Variants in GRID1 observed in about 807,000 individuals in gnomAD.
GRID1 encodes the protein glutamate ionotropic receptor delta type subunit 1.
In GRID1, 28 loss-of-function variants were observed where a neutral mutation model predicts 98.0. That is an observed-to-expected ratio of 0.29 (90% CI 0.21 to 0.39). The LOEUF (loss-of-function observed/expected upper bound fraction) is 0.39. GRID1 is among the 10% of genes least tolerant of loss of function. The pLI, the probability that GRID1 is intolerant of heterozygous loss-of-function variation, is 1.00. For missense variants in GRID1, 1,111 were observed against 1,340.5 expected (o/e 0.83, Z 2.67); for synonymous variants, 553 against 538.5 (o/e 1.03, Z -0.37).
chr10:85,604,914 G>A (rs1842639969), intron 15 of GRID1, among the ~76,000 whole-genome samples: 2 of 152,232 alleles, frequency 1.3e-5, no homozygotes, highest in Non-Finnish European at 2.9e-5. Flanking sequence ...TATCCCCACC[G>A]GATAACAGTT....
intron 2 of GRID1, among the ~76,000 whole-genome samples, chr10:86,297,399 G>A (rs538276434): frequency 5.3e-5 from 8 of 152,274 alleles, no homozygotes; most frequent in African/African-American, 7.2e-5. Context: ...AATAAATTGC[G>A]CTGATAGTTT....
At chr10:85,983,802 C>A (rs973312905) in intron 4 of GRID1, among the ~76,000 whole-genome samples, 3 of 152,180 alleles carry the variant, frequency 2.0e-5, no homozygotes, top group Non-Finnish European at 4.4e-5. Context: ...GCTCTCCCTC[C>A]CCAAGCCCTG....
intron 4 of GRID1, among the ~76,000 whole-genome samples, chr10:85,946,015 T>C (rs917105996): frequency 1.3e-5 from 2 of 152,224 alleles, no homozygotes; most frequent in African/African-American, 4.8e-5. Flanking sequence ...TGTTTAATTT[T>C]TAGAAGAGTA....
At chr10:85,879,401 C>A (rs1840964119) in intron 5 of GRID1, among the ~76,000 whole-genome samples, 1 of 152,118 alleles carries the variant, frequency 6.6e-6, no homozygotes, top group Non-Finnish European at 1.5e-5. Context: ...TGTAAAAGAA[C>A]AGAAATTGTA....
chr10:85,749,144 T>C (rs1842023815), intron 8 of GRID1, among the ~76,000 whole-genome samples: 1 of 152,210 alleles, frequency 6.6e-6, no homozygotes, highest in Non-Finnish European at 1.5e-5. Context: ...TTACTATTCA[T>C]CAAATATCAA....
intron 13 of GRID1, 142 bp from the exon 14 acceptor site, chr10:85,620,175 A>G: frequency 4.5e-6 from 3 of 664,538 alleles, no homozygotes; most frequent in Non-Finnish European, 7.8e-6. Context: ...CAACTCTGCT[A>G]CTGTTTTCTG....
rs1219277488 is a variant in GRID1 at position 85,647,241 on chromosome 10, A to G, written c.2154T>C (p.Ala718=). ...LWRTISKNGG[A]DNCVSSPSEG... is the part of the protein sequence containing the mutation. The stretch of plus-strand genomic sequence containing the variant: ...CTGAAGGACTGGACACGCAGTTGTC[A>G]GCCCCTCCGTTCTTGCTGATGGTCC... The change falls in exon 13 of 16, where the codon GCT becomes GCC. Residue 718 remains alanine, a synonymous_variant. Transcript: ENST00000327946. 6.2e-7 allele frequency: 1 copy of G among 1,614,230 alleles called. No individual in the cohort carries two copies. The highest frequency in any genetic ancestry group is 1.7e-5 in the Admixed American group (1 of 60,034).
intron 5 of GRID1, 40 bp from the exon 6 acceptor site, chr10:85,869,220 G>A (rs772506564): frequency 6.4e-7 from 1 of 1,569,686 alleles, no homozygotes; most frequent in Admixed American, 1.7e-5. Flanking sequence ...ATCCACTCAT[G>A]AACTATCTCT....
chr10:85,716,508 A>C (rs1006212911), intron 12 of GRID1, among the ~76,000 whole-genome samples: 2 of 151,898 alleles, frequency 1.3e-5, no homozygotes, highest in African/African-American at 4.8e-5. Context: ...ACATGTATAC[A>C]TATGTAACAA....
intron 2 of GRID1, among the ~76,000 whole-genome samples, chr10:86,344,982 A>G (rs1848361918): frequency 6.6e-6 from 1 of 152,192 alleles, no homozygotes; most frequent in Non-Finnish European, 1.5e-5. Flanking sequence ...GCCCGGATGG[A>G]CAATCCAGAT....
intron 8 of GRID1, among the ~76,000 whole-genome samples, chr10:85,747,155 A>G (rs1324868829): frequency 6.6e-6 from 1 of 152,164 alleles, no homozygotes; most frequent in Non-Finnish European, 1.5e-5. Context: ...ATTTGTGTCA[A>G]TTAAATAATC....
chr10:86,112,040 G>A, intron 4 of GRID1, among the ~76,000 whole-genome samples: 1 of 152,212 alleles, frequency 6.6e-6, no homozygotes, highest in East Asian at 1.9e-4. Context: ...AGGCAAGGCT[G>A]CAGGTAGGCA....
intron 4 of GRID1, among the ~76,000 whole-genome samples, chr10:85,951,341 G>A (rs1842123387): frequency 6.6e-6 from 1 of 152,160 alleles, no homozygotes; most frequent in Non-Finnish European, 1.5e-5. Flanking sequence ...TGTGCAGAGG[G>A]AGTTCTAAGC....
At chr10:86,050,511 A>T (rs1843486425) in intron 4 of GRID1, among the ~76,000 whole-genome samples, 1 of 152,216 alleles carries the variant, frequency 6.6e-6, no homozygotes, top group South Asian at 2.1e-4. Context: ...GTGCAGTACA[A>T]AATCAATATT....
chr10:86,055,210 C>T (rs1456469300), intron 4 of GRID1, among the ~76,000 whole-genome samples: 5 of 152,204 alleles, frequency 3.3e-5, no homozygotes, highest in African/African-American at 1.2e-4. Flanking sequence ...CCTAAAACTG[C>T]AAGTTTGGGG....
At chr10:86,176,828 G>A (rs1349836233) in intron 3 of GRID1, among the ~76,000 whole-genome samples, 4 of 152,138 alleles carry the variant, frequency 2.6e-5, no homozygotes, top group African/African-American at 4.8e-5. Flanking sequence ...TGCAGATGGA[G>A]GAGTAGATGC....
intron 2 of GRID1, among the ~76,000 whole-genome samples, chr10:86,216,256 C>T (rs1846175636): frequency 6.6e-6 from 1 of 152,236 alleles, no homozygotes; most frequent in Non-Finnish European, 1.5e-5. Context: ...GGAGCTGAGG[C>T]TCATGGCTTT....
chr10:86,233,350 T>G (rs1287786037), intron 2 of GRID1, among the ~76,000 whole-genome samples: 1 of 152,214 alleles, frequency 6.6e-6, no homozygotes, highest in Non-Finnish European at 1.5e-5. Flanking sequence ...CTAATTGACA[T>G]CAGTCCTCCC....
intron 4 of GRID1, among the ~76,000 whole-genome samples, chr10:85,997,744 T>C (rs1842757039): frequency 6.6e-6 from 1 of 151,790 alleles, no homozygotes; most frequent in Non-Finnish European, 1.5e-5. Context: ...TAAATGTAAA[T>C]GGTCTAAACA....
Sources: gnomAD v4.1 joint callset for allele counts (sites outside exome capture counted in the v4.1 genomes callset) on GRCh38, gnomAD v4.1.1 for gene constraint, MANE v1.5 for transcripts, NCBI Gene and HGNC (gene_info 2026-07-23, HGNC 2026-07-21) for gene names.